The following TMPRSS4 variants were observed in gnomAD, a reference collection of about 807,000 sequenced individuals.
TMPRSS4 encodes transmembrane serine protease 4, also known as transmembrane protease serine 4.
TMPRSS4 carries 45 observed loss-of-function variants against 56.4 expected under a neutral mutation model. The ratio of observed to expected loss-of-function variants is 0.80; its 90% CI spans 0.63 to 1.02. The LOEUF is 1.02. Among genes scored for constraint, TMPRSS4 ranks in the 50% least tolerant of loss-of-function variants. The pLI, the probability that TMPRSS4 is intolerant of heterozygous loss-of-function variation, is 0.00. For missense variants in TMPRSS4, 546 were observed against 556.7 expected, an observed-to-expected ratio of 0.98 and a Z score of 0.19; for synonymous variants, 205 against 211.0, an observed-to-expected ratio of 0.97 and a Z score of 0.25.
chr11:118,088,692 G>C (rs1945752957), intron 1 of TMPRSS4, among the ~76,000 whole-genome samples: 1 of 152,236 alleles, frequency 6.6e-6, no homozygotes, highest in Admixed American at 6.5e-5. Context: ...CAAACAGAAA[G>C]GGAAAGGCCA....
rs1327267772 is a variant in TMPRSS4, at chr11:118,121,502, G to A, written c.*3589G>A. 1.3e-5 allele frequency: 2 copies of A among 152,158 alleles called. No homozygotes were observed. Among genetic ancestry groups the A allele is most frequent in the Admixed American group, 6.5e-5 (1 of 15,270 alleles). The allele number at this position is 152,158 out of a possible 1,614,324, so 9.4% of individuals were successfully genotyped here. On this transcript the variant is annotated 3_prime_UTR_variant, in exon 13 of 13. Transcript: ENST00000437212. ...GCCTCCCGAGTAGCTGGGATTACAT[G>A]CACATGCCACCATATCCGGCTAATT...
At position 118,118,572 on chromosome 11, in the gene TMPRSS4, G is replaced by A; in HGVS notation, c.*659G>A. On this transcript the variant is annotated 3_prime_UTR_variant, in exon 13 of 13. Coordinates refer to ENST00000437212, the MANE Select transcript of TMPRSS4 (RefSeq NM_019894.4). ...AATTGAGTCTCAAAGTAGAGGCAGGGGAAAAAAGAGTTAGGGAGACCAGAT... is the reference window on the plus strand; with the variant it reads ...AATTGAGTCTCAAAGTAGAGGCAGGAGAAAAAAGAGTTAGGGAGACCAGAT... 1.0e-6 allele frequency: 1 copy of A among 985,470 alleles called. No homozygotes were observed. The highest frequency in any genetic ancestry group is 1.7e-5 in the African/African-American group (1 of 57,314). 61.0% of individuals were successfully genotyped at this position (985,470 alleles called of 1,614,324 possible). A position where few individuals can be genotyped will look rare whatever the true frequency, so the allele number is the denominator to read the frequency against.
At chr11:118,098,456 C>T (rs1565425143) in intron 2 of TMPRSS4, among the ~76,000 whole-genome samples, 1 of 152,214 alleles carries the variant, frequency 6.6e-6, no homozygotes, top group Admixed American at 6.5e-5. Flanking sequence ...TCTTTAAAGA[C>T]AAGGACCAGG....
chr11:118,087,881 C>G lies in TMPRSS4; in HGVS notation c.4-6935C>G, dbSNP rs374460223. Among the ~76,000 whole-genome samples the G allele has an allele frequency of 5.7e-4, 87 of 152,348 alleles. 1 individual carries two copies. Among genetic ancestry groups the G allele is most frequent in the African/African-American group, 2.0e-3 (83 of 41,568 alleles). ...AAATGCTAATATCAATAAAGCCCCT[C>G]CTGGGAACCAAGCCCTGCAATAGGC... is the stretch of plus-strand genomic sequence containing the variant. On this transcript the variant is annotated intron_variant, in intron 1 of 12. Transcript: ENST00000437212.
intron 1 of TMPRSS4, chr11:118,086,840 A>G (rs978736656): frequency 2.6e-5 from 4 of 152,906 alleles, no homozygotes; most frequent in African/African-American, 9.7e-5. Context: ...AGTGGAGAGG[A>G]CACAGCTGCT....
intron 6 of TMPRSS4, chr11:118,108,233 T>C (rs567337591): frequency 4.9e-6 from 1 of 202,944 alleles, no homozygotes; most frequent in Non-Finnish European, 1.0e-5. Flanking sequence ...AGTCACTTTG[T>C]CCTTCCCTAC....
chr11:118,107,419 T>C (rs1947049031), intron 5 of TMPRSS4: 1 of 171,064 alleles, frequency 5.8e-6, no homozygotes, highest in African/African-American at 2.4e-5. Flanking sequence ...GTTTCCCTGC[T>C]GTGAACCAGA....
At chr11:118,102,430 G>A (rs73012879) in intron 3 of TMPRSS4, among the ~76,000 whole-genome samples, 11,489 of 152,308 alleles carry the variant, frequency 0.075, 597 homozygotes, top group Non-Finnish European at 0.11. Flanking sequence ...CAGTAAGGCC[G>A]AGTGCGGTGG....
chr11:118,122,046 A>G (rs982314283), downstream of TMPRSS4, among the ~76,000 whole-genome samples: 1 of 152,232 alleles, frequency 6.6e-6, no homozygotes, highest in Admixed American at 6.5e-5. Flanking sequence ...AAAACAATTG[A>G]AAGTAGCAAT....
chr11:118,108,890 T>G lies in TMPRSS4; in HGVS notation c.577T>G (p.Cys193Gly). ...CTCAGGCTCCCTGGTCTCCCTGCAC[T>G]GTCTTGGTGAGTACCCCCAATCTCT... The part of the protein sequence containing the change: ...CLSGSLVSLH[C>G]LACGKSLKTP... Residue 193 changes from cysteine to glycine, a missense_variant, in exon 7 of 13, where the codon TGT becomes GGT. Transcript: ENST00000437212. 6.2e-7 allele frequency: 1 copy of G among 1,613,984 alleles called. No homozygotes were observed. Among genetic ancestry groups the G allele is most frequent in the Non-Finnish European group, 8.5e-7 (1 of 1,179,934 alleles).
At chr11:118,102,457 C>A (rs1946762647) in intron 3 of TMPRSS4, among the ~76,000 whole-genome samples, 1 of 152,188 alleles carries the variant, frequency 6.6e-6, no homozygotes, top group Admixed American at 6.5e-5. Context: ...CCTGTAATCC[C>A]AGCACTTTGG....
At chr11:118,083,646 C>A (rs1325080096) in intron 1 of TMPRSS4, among the ~76,000 whole-genome samples, 2 of 152,136 alleles carry the variant, frequency 1.3e-5, no homozygotes, top group African/African-American at 4.8e-5. Flanking sequence ...AGAATATACT[C>A]CATGGGCAAA....
At chr11:118,094,754 T>A in intron 1 of TMPRSS4, 62 bp from the exon 2 acceptor site, 1 of 1,501,418 alleles carries the variant, frequency 6.7e-7, no homozygotes, top group Non-Finnish European at 9.2e-7. Flanking sequence ...GAACCTCCCG[T>A]AGGCTGCTAG....
At chr11:118,086,453 G>T (rs932498642) in intron 1 of TMPRSS4, among the ~76,000 whole-genome samples, 1 of 152,272 alleles carries the variant, frequency 6.6e-6, no homozygotes, top group Admixed American at 6.5e-5. Context: ...TAGACCCAAA[G>T]GAAAAAGTGC....
At chr11:118,078,882 T>C (rs905595433) in intron 1 of TMPRSS4, among the ~76,000 whole-genome samples, 10 of 152,016 alleles carry the variant, frequency 6.6e-5, no homozygotes, top group African/African-American at 2.4e-4. Flanking sequence ...ATGCACCGGG[T>C]TCGCAGAGAT....
chr11:118,089,212 T>G (rs79058081), intron 1 of TMPRSS4, among the ~76,000 whole-genome samples: 1,868 of 152,250 alleles, frequency 0.012, 19 homozygotes, highest in Middle Eastern at 0.031. Context: ...CAGCTCCTCT[T>G]CCAAAGGTGT....
Position 118,103,266 on chromosome 11 carries a change from T to A in TMPRSS4, c.310+13T>A, listed in dbSNP as rs1471465674. On this transcript the variant is annotated intron_variant, in intron 4 of 12. Coordinates refer to ENST00000437212, the MANE Select transcript of TMPRSS4 (RefSeq NM_019894.4). ...CCTGCAGTGGCAGGTGAGTGCAGGG[T>A]CTGAGGCACAAGAGAAGTGGGCCCA... 1 of 1,608,706 alleles carries A rather than the reference T, an allele frequency of 6.2e-7. No individual in the cohort carries two copies. The highest frequency in any genetic ancestry group is 1.7e-5 in the Admixed American group (1 of 59,816).
intron 1 of TMPRSS4, among the ~76,000 whole-genome samples, chr11:118,083,066 G>A (rs764723674): frequency 6.6e-6 from 1 of 151,836 alleles, no homozygotes; most frequent in East Asian, 1.9e-4. Flanking sequence ...CTGCTGCGCC[G>A]CTGCGGGGCT....
At chr11:118,125,137 TGGCTG>T (rs1947863070), downstream of TMPRSS4, among the ~76,000 whole-genome samples, 1 of 152,242 alleles carries the variant, frequency 6.6e-6, no homozygotes. Flanking sequence ...GCTCTCAGAC[TGGCTG>T]ACTGCACCCA....
Sources: gnomAD v4.1 joint callset for allele counts (sites outside exome capture counted in the v4.1 genomes callset) on GRCh38, gnomAD v4.1.1 for gene constraint, MANE v1.5 for transcripts, NCBI Gene and HGNC (gene_info 2026-07-23, HGNC 2026-07-21) for gene names.